Variants in CPT1A observed in about 807,000 individuals in gnomAD.
The protein encoded by CPT1A is carnitine O-palmitoyltransferase 1, liver isoform.
A neutral mutation model predicts 100.8 loss-of-function variants in CPT1A; 64 were observed. The ratio of observed to expected loss-of-function variants is 0.63; its 90% CI spans 0.52 to 0.78. The LOEUF (loss-of-function observed/expected upper bound fraction) is 0.78. CPT1A is among the 30% of genes least tolerant of loss of function. The pLI is 0.00. For synonymous variants in CPT1A, 363 were observed against 396.0 expected (o/e 0.92, Z 0.99); for missense variants, 802 against 1,034.1 (o/e 0.78, Z 3.08).
chr11:68,805,361 G>T (rs954489071), intron 4 of CPT1A, among the ~76,000 whole-genome samples: 1 of 151,856 alleles, frequency 6.6e-6, no homozygotes, highest in African/African-American at 2.4e-5. Flanking sequence ...TGAGGTGAGA[G>T]AATCGCTTGA....
chr11:68,802,131 G>A (rs376147590), intron 5 of CPT1A, among the ~76,000 whole-genome samples: 60 of 152,202 alleles, frequency 3.9e-4, no homozygotes, highest in African/African-American at 1.2e-3. Flanking sequence ...GTAGAAGGAT[G>A]GGGAGTGACT....
chr11:68,816,621 G>C (rs1371334643), intron 1 of CPT1A, among the ~76,000 whole-genome samples: 3 of 152,130 alleles, frequency 2.0e-5, no homozygotes, highest in Non-Finnish European at 2.9e-5. Context: ...TGGACCCCCC[G>C]GGGTGGTGGC....
Position 68,755,031 on chromosome 11 carries a change from T to G in CPT1A, c.*2613A>C. 1 of 595,204 alleles carries G rather than the reference T, an allele frequency of 1.7e-6. No homozygotes were observed. The highest frequency in any genetic ancestry group is 2.2e-5 in the South Asian group (1 of 46,510). The allele number at this position is 595,204 out of a possible 1,614,324, so 36.9% of individuals were successfully genotyped here. ...AACCATGGCTGCGTTAAGACAATGGTTTGTTCCAATTAAATTAAACAGATA... is the reference window on the plus strand; with the variant it reads ...AACCATGGCTGCGTTAAGACAATGGGTTGTTCCAATTAAATTAAACAGATA... On this transcript the variant is annotated 3_prime_UTR_variant, in exon 19 of 19. Coordinates refer to ENST00000265641, the MANE Select transcript of CPT1A (RefSeq NM_001876.4).
chr11:68,822,827 A>C (rs1257067837), intron 1 of CPT1A, among the ~76,000 whole-genome samples: 1 of 152,206 alleles, frequency 6.6e-6, no homozygotes, highest in East Asian at 1.9e-4. Context: ...GAAAGAAGCC[A>C]TACAGAAGGT....
chr11:68,783,271 C>T (rs1171075539), intron 10 of CPT1A, among the ~76,000 whole-genome samples: 1 of 151,730 alleles, frequency 6.6e-6, no homozygotes, highest in African/African-American at 2.4e-5. Context: ...CCTACTCATG[C>T]ACCCCCGGCC....
At chr11:68,780,135 A>G (rs1855264944) in intron 12 of CPT1A, among the ~76,000 whole-genome samples, 1 of 152,202 alleles carries the variant, frequency 6.6e-6, no homozygotes, top group Admixed American at 6.5e-5. Flanking sequence ...CTGCTGTTCA[A>G]GGGACCTAAG....
chr11:68,832,088 A>T (rs1245269928), intron 1 of CPT1A, among the ~76,000 whole-genome samples: 2 of 152,204 alleles, frequency 1.3e-5, no homozygotes, highest in African/African-American at 2.4e-5. Context: ...CTAATGAGAA[A>T]ACCAGGGCTT....
chr11:68,820,158 T>C (rs1856540548), intron 1 of CPT1A, among the ~76,000 whole-genome samples: 1 of 30,026 alleles, frequency 3.3e-5, no homozygotes, highest in South Asian at 1.2e-3. Flanking sequence ...GCCTCCTGAG[T>C]AGCTGGGACT....
At chr11:68,798,111 T>C (rs1594348450) in intron 6 of CPT1A, among the ~76,000 whole-genome samples, 1 of 152,352 alleles carries the variant, frequency 6.6e-6, no homozygotes, top group East Asian at 1.9e-4. Flanking sequence ...CCGCAGGTGT[T>C]GTCTCTATTC....
chr11:68,761,773 A>C, intron 15 of CPT1A, 86 bp from the exon 16 acceptor site: 1 of 1,507,138 alleles, frequency 6.6e-7, no homozygotes, highest in Admixed American at 1.7e-5. Context: ...CACCCGGCTA[A>C]TATTTTTTGT....
At chr11:68,836,199 G>A (rs1254044676) in intron 1 of CPT1A, among the ~76,000 whole-genome samples, 3 of 152,318 alleles carry the variant, frequency 2.0e-5, no homozygotes, top group Non-Finnish European at 4.4e-5. Flanking sequence ...CAGGAAGCCC[G>A]GCGTGGTGGC....
chr11:68,799,260 T>A lies in CPT1A; in HGVS notation c.651A>T (p.Leu217Phe), dbSNP rs766012110. The change falls in exon 6 of 19, where the codon TTA becomes TTT. Residue 217 changes from leucine to phenylalanine, a missense_variant. Leu to Phe is a conservative substitution (Grantham distance 22). Transcript: ENST00000265641. Reference sequence around the variant, plus strand: ...AGGATTTTAACTTCAAATACCACTGTAATCTTGGTCCAAGACCGACAGCAA... The same window carrying A: ...AGGATTTTAACTTCAAATACCACTGAAATCTTGGTCCAAGACCGACAGCAA... ...QDFAVGLGPR[L>F]QWYLKLKSWW... 3.1e-6 allele frequency: 5 copies of A among 1,614,072 alleles called. No individual in the cohort carries two copies. Among genetic ancestry groups the A allele is most frequent in the Non-Finnish European group, 4.2e-6 (5 of 1,179,920 alleles).
chr11:68,801,087 C>T (rs1362754310), intron 5 of CPT1A, among the ~76,000 whole-genome samples: 1 of 151,938 alleles, frequency 6.6e-6, no homozygotes, highest in Non-Finnish European at 1.5e-5. Flanking sequence ...CCAGCCTGGG[C>T]AAGAGAGTGA....
chr11:68,793,507 A>C, intron 8 of CPT1A, 105 bp from the exon 9 acceptor site: 2 of 830,778 alleles, frequency 2.4e-6, no homozygotes, highest in East Asian at 5.9e-5. Flanking sequence ...ACACTTTGGG[A>C]GGCTGAGGCG....
chr11:68,839,207 C>A (rs914422282), intron 1 of CPT1A, among the ~76,000 whole-genome samples: 1 of 152,196 alleles, frequency 6.6e-6, no homozygotes, highest in Non-Finnish European at 1.5e-5. Flanking sequence ...CAGAAGCAGC[C>A]CTTGGCCCGC....
At chr11:68,761,378 C>T (rs1011913481) in intron 16 of CPT1A, among the ~76,000 whole-genome samples, 157 bp downstream of exon 16, 6 of 151,454 alleles carry the variant, frequency 4.0e-5, no homozygotes, top group Non-Finnish European at 5.9e-5. Flanking sequence ...GTACTAAACG[C>T]GCTGCTCACA....
chr11:68,768,162 G>A (rs760000962), intron 14 of CPT1A, among the ~76,000 whole-genome samples: 1 of 126,814 alleles, frequency 7.9e-6, no homozygotes, highest in Non-Finnish European at 1.6e-5. Context: ...TGGAAGCTCC[G>A]CCTCCCGGGT....
At position 68,760,398 on chromosome 11, in the gene CPT1A, G is replaced by A. The variant is rs141958218; in HGVS notation, c.2029-60C>T. The A allele has an allele frequency of 6.5e-4, 881 of 1,356,312 alleles. 11 individuals are homozygous for A. In the African/African-American group the frequency reaches 0.011, roughly 17 times the overall value. The allele number at this position is 1,356,312 out of a possible 1,614,324, so 84.0% of individuals were successfully genotyped here. The stretch of plus-strand genomic sequence containing the variant: ...CCTCCTCTACCGTCCCTCAGGAGTC[G>A]CTTTGGGAAGACGAGAAAAGCCTGG... On this transcript the variant is annotated intron_variant, in intron 16 of 18. Coordinates refer to ENST00000265641, the MANE Select transcript of CPT1A (RefSeq NM_001876.4).
At chr11:68,785,732 T>C (rs946772089) in intron 9 of CPT1A, 1 of 402,916 alleles carries the variant, frequency 2.5e-6, no homozygotes, top group Middle Eastern at 7.1e-4. Flanking sequence ...CCCATGTAAA[T>C]AGGCATTCGA....
Sources: gnomAD v4.1 joint callset for allele counts (sites outside exome capture counted in the v4.1 genomes callset) on GRCh38, gnomAD v4.1.1 for gene constraint, MANE v1.5 for transcripts, NCBI Gene and HGNC (gene_info 2026-07-23, HGNC 2026-07-21) for gene names.